Variants in USP6NL observed in about 807,000 individuals in gnomAD.
USP6NL encodes the protein USP6 N-terminal like, also known as USP6 N-terminal-like protein.
Under a neutral mutation model 61.9 loss-of-function variants are expected in USP6NL, and 26 were observed. The ratio of observed to expected loss-of-function variants is 0.42; its 90% CI spans 0.31 to 0.58. The LOEUF is 0.58. Among genes scored for constraint, USP6NL ranks in the 20% least tolerant of loss-of-function variants. The probability of loss-of-function intolerance (pLI) is 0.16; values close to 1 mark genes in which losing one functional copy is unlikely to be tolerated. For synonymous variants in USP6NL, 432 were observed against 390.1 expected, an observed-to-expected ratio of 1.11 and a Z score of -1.27; for missense variants, 1,114 against 1,034.3, an observed-to-expected ratio of 1.08 and a Z score of -1.06.
Position 11,470,508 on chromosome 10 carries a change from A to G in USP6NL, c.1079-6659T>C, listed in dbSNP as rs957597745. The stretch of plus-strand genomic sequence containing the variant: ...TGTAAGAAGGACGAATGCCATCACC[A>G]GTAACATTTTTATATGCCAATTAGT... On this transcript the variant is annotated intron_variant, in intron 14 of 14. Coordinates refer to ENST00000609104, the MANE Select transcript of USP6NL (RefSeq NM_014688.5). This position sits in a 1 kb window ranked among gnomAD's most constrained non-coding sequence, Gnocchi z 5.4. Among the ~76,000 whole-genome samples the G allele has an allele frequency of 2.6e-5, 4 of 152,224 alleles. No homozygotes were observed. The highest frequency in any genetic ancestry group is 9.6e-5 in the African/African-American group (4 of 41,454).
intron 2 of USP6NL, among the ~76,000 whole-genome samples, chr10:11,539,324 T>C (rs934103689): frequency 6.6e-6 from 1 of 152,216 alleles, no homozygotes; most frequent in African/African-American, 2.4e-5. Flanking sequence ...TCTGATGCCA[T>C]GTCCTCCAAT....
chr10:11,601,184 T>C (rs1838515601), intron 1 of USP6NL, among the ~76,000 whole-genome samples: 1 of 152,176 alleles, frequency 6.6e-6, no homozygotes, highest in Non-Finnish European at 1.5e-5. Flanking sequence ...GAATGAACTA[T>C]GGGTATGCAC....
At chr10:11,599,896 T>TC (rs1166229855) in intron 1 of USP6NL, among the ~76,000 whole-genome samples, 1 of 152,078 alleles carries the variant, frequency 6.6e-6, no homozygotes, top group African/African-American at 2.4e-5. Flanking sequence ...CCTGACCTCG[T>TC]GATCCACCCA....
Position 11,600,553 on chromosome 10 carries a change from A to G in USP6NL, c.-83-2836T>C, listed in dbSNP as rs989043414. Among the ~76,000 whole-genome samples, 2 of 152,266 alleles carry G rather than the reference A, an allele frequency of 1.3e-5. No homozygotes were observed. The highest frequency in any genetic ancestry group is 4.8e-5 in the African/African-American group (2 of 41,474). On this transcript the variant is annotated intron_variant, in intron 1 of 14. Coordinates refer to ENST00000609104, the MANE Select transcript of USP6NL (RefSeq NM_014688.5). This position sits in a 1 kb window ranked among gnomAD's most constrained non-coding sequence, Gnocchi z 4.1. ...GATGACTAATACAGACAGTAAAGAT[A>G]GTAATTTTAAATTCAAATTTAAAAA...
intron 2 of USP6NL, among the ~76,000 whole-genome samples, chr10:11,547,634 G>A (rs1469619294): frequency 6.6e-6 from 1 of 151,758 alleles, no homozygotes; most frequent in African/African-American, 2.4e-5. Flanking sequence ...CCGCCTCCCG[G>A]GGTTCACGCC....
At position 11,485,509 on chromosome 10, in the gene USP6NL, A is replaced by G. The variant is rs546004868; in HGVS notation, c.760-275T>C. On this transcript the variant is annotated intron_variant, in intron 11 of 14. Transcript: ENST00000609104. The surrounding 1 kb of genome is among the most constrained non-coding windows in gnomAD (Gnocchi z 4.8). The stretch of plus-strand genomic sequence containing the variant: ...TAACAACGAGTTTCTGTGACCCTGA[A>G]AAAATATTTTTTGTACAATGAAAAA... Among the ~76,000 whole-genome samples, 35 of 152,322 alleles carry G rather than the reference A, an allele frequency of 2.3e-4. No homozygotes were observed. The highest frequency in any genetic ancestry group is 6.8e-3 in the Middle Eastern group (2 of 294).
chr10:11,483,930 A>C (rs1833350729), intron 13 of USP6NL, among the ~76,000 whole-genome samples: 1 of 152,184 alleles, frequency 6.6e-6, no homozygotes, highest in Admixed American at 6.5e-5. Context: ...ATTCCTATCT[A>C]AAGTATGGAT....
chr10:11,514,851 AAAT>A (rs1566149759), intron 5 of USP6NL, among the ~76,000 whole-genome samples: 1 of 152,186 alleles, frequency 6.6e-6, no homozygotes, highest in Non-Finnish European at 1.5e-5. Context: ...CAGTCAAGGA[AAAT>A]AATGCAAAGG....
rs1205465350 is a variant in USP6NL at position 11,485,764 on chromosome 10, G to C, written c.759+53C>G. ...GACCAAAGACAATTTAATTATCCCA[G>C]CTTTTTTTGGGGGGTGGGTAGGTGG... On this transcript the variant is annotated intron_variant, in intron 11 of 14. Coordinates refer to ENST00000609104, the MANE Select transcript of USP6NL (RefSeq NM_014688.5). The surrounding 1 kb of genome is among the most constrained non-coding windows in gnomAD (Gnocchi z 4.8). 1 of 1,226,522 alleles carries C rather than the reference G, an allele frequency of 8.2e-7. No individual in the cohort carries two copies. The highest frequency in any genetic ancestry group is 1.1e-6 in the Non-Finnish European group (1 of 877,428). 76.0% of individuals were successfully genotyped at this position (1,226,522 alleles called of 1,614,324 possible).
Position 11,463,812 on chromosome 10 carries a change from C to G in USP6NL, c.1116G>C (p.Gln372His). 1 of 1,481,132 alleles carries G rather than the reference C, an allele frequency of 6.8e-7. No homozygotes were observed. Among genetic ancestry groups the G allele is most frequent in the South Asian group, 1.4e-5 (1 of 70,918 alleles). 91.7% of individuals were successfully genotyped at this position (1,481,132 alleles called of 1,614,324 possible). The change falls in exon 15 of 15, where the codon CAG (glutamine) becomes CAC (histidine). Residue 372 changes from glutamine (Q) to histidine (H), a missense_variant. Gln to His is a conservative substitution (Grantham distance 24). Transcript: ENST00000609104. This position sits in a 1 kb window ranked among gnomAD's most constrained non-coding sequence, Gnocchi z 6.3. ...CCCAAGACTGAAGTTCAGGTGGAAGCTGCCCCAAGGGCTTCTTTGGATATT... is the reference window on the plus strand; with the variant it reads ...CCCAAGACTGAAGTTCAGGTGGAAGGTGCCCCAAGGGCTTCTTTGGATATT... ...EDEYPKKPLG[Q>H]LPPELQSWGV... is the part of the protein sequence containing the mutation.
chr10:11,611,167 C>G lies in USP6NL; in HGVS notation c.-84+276G>C, dbSNP rs1228297681. On this transcript the variant is annotated intron_variant, in intron 1 of 14. Transcript: ENST00000609104. This position sits in a 1 kb window ranked among gnomAD's most constrained non-coding sequence, Gnocchi z 5.3. ...GGGGAGGCAGTCGCCGGGTTCCACC[C>G]CCGGGCCTCCCCGCACCCCGCGCGG... The G allele has an allele frequency of 2.0e-5, 3 of 152,060 alleles. No homozygotes were observed. Among genetic ancestry groups the G allele is most frequent in the African/African-American group, 7.2e-5 (3 of 41,434 alleles). 9.4% of individuals were successfully genotyped at this position (152,060 alleles called of 1,614,324 possible).
chr10:11,537,319 C>T lies in USP6NL; in HGVS notation c.5-9752G>A, dbSNP rs558030820. ...TCGAGACGGGATTTTGCCATGTTGC[C>T]CTGGCTGGTCTCGAACTCCTGGGCT... On this transcript the variant is annotated intron_variant, in intron 2 of 14. Transcript: ENST00000609104. This position sits in a 1 kb window ranked among gnomAD's most constrained non-coding sequence, Gnocchi z 5.1. Among the ~76,000 whole-genome samples the T allele has an allele frequency of 2.0e-5, 3 of 152,206 alleles. No individual in the cohort carries two copies. In the South Asian group the frequency reaches 6.2e-4, roughly 32 times the overall value.
chr10:11,572,239 T>C (rs1182047847), intron 2 of USP6NL, among the ~76,000 whole-genome samples: 1 of 152,070 alleles, frequency 6.6e-6, no homozygotes, highest in Non-Finnish European at 1.5e-5. Flanking sequence ...AACTAATTTA[T>C]ATTCTCTGGA....
chr10:11,549,714 A>G (rs1452768320), intron 2 of USP6NL, among the ~76,000 whole-genome samples: 2 of 152,204 alleles, frequency 1.3e-5, no homozygotes, highest in Non-Finnish European at 2.9e-5. Flanking sequence ...TCATTTTCCT[A>G]AAGTAAATCA....
chr10:11,463,703 G>A lies in USP6NL; in HGVS notation c.1225C>T (p.His409Tyr), dbSNP rs769003658. The A allele has an allele frequency of 3.7e-6, 6 of 1,612,524 alleles. No individual in the cohort carries two copies. In the South Asian group the frequency reaches 6.6e-5, roughly 18 times the overall value. The change falls in exon 15 of 15, where the codon CAC (histidine) becomes TAC (tyrosine). Residue 409 changes from histidine to tyrosine, a missense_variant. By Grantham distance (83) the His-to-Tyr change is moderately conservative. Transcript: ENST00000609104. This position sits in a 1 kb window ranked among gnomAD's most constrained non-coding sequence, Gnocchi z 6.3. ...ASGRRESGAP[H>Y]RRHEHSPHPQ... ...TGCGGGGAGTGCTCGTGCCTCCTGTGGGGCGCCCCGCTCTCCCTCCTGCCG... is the reference window on the plus strand; with the variant it reads ...TGCGGGGAGTGCTCGTGCCTCCTGTAGGGCGCCCCGCTCTCCCTCCTGCCG...
rs964573191 is a variant in USP6NL, at chr10:11,463,022, G to A, written c.1906C>T (p.Pro636Ser). The A allele has an allele frequency of 3.1e-6, 5 of 1,613,970 alleles. No individual in the cohort carries two copies. Among genetic ancestry groups the A allele is most frequent in the Non-Finnish European group, 3.4e-6 (4 of 1,179,872 alleles). Residue 636 changes from proline (P) to serine (S), a missense_variant, in exon 15 of 15, where the codon CCC (proline) becomes TCC (serine). Coordinates refer to ENST00000609104, the MANE Select transcript of USP6NL (RefSeq NM_014688.5). This position sits in a 1 kb window ranked among gnomAD's most constrained non-coding sequence, Gnocchi z 6.3. ...LAHPPSYSNP[P>S]VYHGNSPKHF... Reference sequence around the variant, plus strand: ...TTGGGAGAGTTTCCGTGGTAAACGGGGGGATTGCTGTAGGAGGGGGGATGA... The same window carrying A: ...TTGGGAGAGTTTCCGTGGTAAACGGAGGGATTGCTGTAGGAGGGGGGATGA...
At chr10:11,566,371 A>T (rs1837157289) in intron 2 of USP6NL, among the ~76,000 whole-genome samples, 1 of 152,244 alleles carries the variant, frequency 6.6e-6, no homozygotes, top group African/African-American at 2.4e-5. Context: ...AACACCACGC[A>T]TATTTGTTTA....
At chr10:11,567,304 T>C (rs1229087681) in intron 2 of USP6NL, among the ~76,000 whole-genome samples, 1 of 152,190 alleles carries the variant, frequency 6.6e-6, no homozygotes, top group African/African-American at 2.4e-5. Flanking sequence ...GACTGCAAAA[T>C]TTACCAACTT....
rs1372911659 is a variant in USP6NL, at chr10:11,463,883, A to G, written c.1079-34T>C. The G allele has an allele frequency of 6.9e-7, 1 of 1,451,420 alleles. No individual in the cohort carries two copies. The highest frequency in any genetic ancestry group is 1.5e-5 in the South Asian group (1 of 67,076). The allele number at this position is 1,451,420 out of a possible 1,614,324, so 89.9% of individuals were successfully genotyped here. A position where few individuals can be genotyped will look rare whatever the true frequency, so the allele number is the denominator to read the frequency against. On this transcript the variant is annotated intron_variant, in intron 14 of 14. Coordinates refer to ENST00000609104, the MANE Select transcript of USP6NL (RefSeq NM_014688.5). This position sits in a 1 kb window ranked among gnomAD's most constrained non-coding sequence, Gnocchi z 6.3. The stretch of plus-strand genomic sequence containing the variant: ...AAAGAGAAAGGCTAAGTAAGATAAT[A>G]CACGAGTAAACAGTAGCCAGTTGAA...
Sources: allele counts gnomAD v4.1 joint callset (sites outside exome capture counted in the v4.1 genomes callset), GRCh38; gene constraint gnomAD v4.1.1; non-coding constraint Gnocchi (gnomAD v3.1); transcripts MANE v1.5; gene names NCBI Gene and HGNC (gene_info 2026-07-23, HGNC 2026-07-21).